Variants in PDE1C observed in about 807,000 individuals in gnomAD.
PDE1C encodes the protein phosphodiesterase 1C, also known as dual specificity calcium/calmodulin-dependent 3',5'-cyclic nucleotide phosphodiesterase 1C.
In PDE1C, 62 loss-of-function variants were observed where a neutral mutation model predicts 93.1. The ratio of observed to expected loss-of-function variants is 0.67; its 90% CI spans 0.54 to 0.82. The LOEUF (loss-of-function observed/expected upper bound fraction) is 0.82. PDE1C is among the 40% of genes least tolerant of loss of function. The pLI is 0.00. For missense variants in PDE1C, 742 were observed against 884.6 expected, an observed-to-expected ratio of 0.84 and a Z score of 2.04; for synonymous variants, 325 against 310.1, an observed-to-expected ratio of 1.05 and a Z score of -0.50.
At chr7:32,359,772 C>A (rs1784100200) in intron 1 of PDE1C, among the ~76,000 whole-genome samples, 1 of 152,166 alleles carries the variant, frequency 6.6e-6, no homozygotes. Context: ...TCACTGTTCC[C>A]AGCACAACTG....
At chr7:32,120,434 A>G (rs531217857) in intron 3 of PDE1C, among the ~76,000 whole-genome samples, 1 of 152,074 alleles carries the variant, frequency 6.6e-6, no homozygotes, top group Non-Finnish European at 1.5e-5. Flanking sequence ...ATGCCACCCA[A>G]CTGGTATAGC....
chr7:32,203,230 C>G (rs1390375036), intron 2 of PDE1C, among the ~76,000 whole-genome samples: 1 of 151,982 alleles, frequency 6.6e-6, no homozygotes, highest in Non-Finnish European at 1.5e-5. Context: ...ATTTCTTCTT[C>G]TTCTTTTTGT....
chr7:31,893,175 A>G (rs2128903995), intron 2 of PDE1C, among the ~76,000 whole-genome samples: 1 of 152,312 alleles, frequency 6.6e-6, no homozygotes, highest in Middle Eastern at 3.4e-3. Flanking sequence ...GGGGTGTGAA[A>G]ACACAGGTCA....
chr7:31,690,766 A>G, the PDE1C span, among the ~76,000 whole-genome samples: 1 of 152,162 alleles, frequency 6.6e-6, no homozygotes, highest in Non-Finnish European at 1.5e-5. Flanking sequence ...CCTTCAGTAG[A>G]TAGTAAGTGC....
intron 1 of PDE1C, among the ~76,000 whole-genome samples, chr7:32,213,989 A>C (rs188353741): frequency 2.2e-4 from 34 of 152,330 alleles, no homozygotes; most frequent in African/African-American, 7.9e-4. Flanking sequence ...AGTTTATGAT[A>C]ATCAGGAAAA....
chr7:32,346,921 G>A (rs1391516840), intron 1 of PDE1C, among the ~76,000 whole-genome samples: 1 of 152,198 alleles, frequency 6.6e-6, no homozygotes, highest in East Asian at 1.9e-4. Context: ...GTTATCTGGG[G>A]CTGACTGTAG....
intron 1 of PDE1C, among the ~76,000 whole-genome samples, chr7:32,288,750 T>C (rs1812160670): frequency 6.6e-6 from 1 of 152,230 alleles, no homozygotes; most frequent in South Asian, 2.1e-4. Context: ...AAGAATTCCA[T>C]TCACTTTCCC....
At chr7:32,005,109 A>T (rs929199837) in intron 2 of PDE1C, among the ~76,000 whole-genome samples, 1 of 152,158 alleles carries the variant, frequency 6.6e-6, no homozygotes, top group Non-Finnish European at 1.5e-5. Flanking sequence ...TTGGTTATAG[A>T]GCACCTTTAA....
intron 1 of PDE1C, among the ~76,000 whole-genome samples, chr7:32,306,410 T>C (rs912735736): frequency 3.3e-5 from 5 of 152,164 alleles, no homozygotes; most frequent in African/African-American, 1.2e-4. Context: ...CTCTGTCTTT[T>C]TCATCTAAAC....
At position 32,337,344 on chromosome 7, in the gene PDE1C, A is replaced by G. The variant is rs147037322; in HGVS notation, c.310+90478T>C. ...GAAGATAAACAATTGCTGTAGACCA[A>G]CAATTACCATACACTAGTATTGTGA... On this transcript the variant is annotated intron_variant, in intron 1 of 1. Coordinates refer to the PDE1C transcript ENST00000672256. 4.2e-3 allele frequency among the ~76,000 whole-genome samples: 638 copies of G among 152,356 alleles called. 6 individuals carry two copies. Among genetic ancestry groups the G allele is most frequent in the Middle Eastern group, 6.8e-3 (2 of 294 alleles).
intron 2 of PDE1C, among the ~76,000 whole-genome samples, chr7:31,925,313 T>G (rs1328524192): frequency 2.6e-5 from 4 of 152,038 alleles, no homozygotes; most frequent in African/African-American, 9.7e-5. Flanking sequence ...TACCCATCAG[T>G]GGGGAGAATA....
intron 1 of PDE1C, among the ~76,000 whole-genome samples, chr7:32,319,102 A>T (rs1449388431): frequency 6.6e-6 from 1 of 152,188 alleles, no homozygotes; most frequent in Non-Finnish European, 1.5e-5. Flanking sequence ...CCACGCCGTC[A>T]CCCGGGAGCT....
At chr7:32,000,583 C>G (rs931859058) in intron 2 of PDE1C, among the ~76,000 whole-genome samples, 1 of 152,166 alleles carries the variant, frequency 6.6e-6, no homozygotes, top group Admixed American at 6.5e-5. Context: ...TCACAAACAT[C>G]GCAGAACCCT....
chr7:32,036,401 C>A (rs79567292), intron 2 of PDE1C, among the ~76,000 whole-genome samples: 1 of 152,010 alleles, frequency 6.6e-6, no homozygotes, highest in Non-Finnish European at 1.5e-5. Context: ...CAATGCCCTA[C>A]GTTTCACCTT....
rs781619764 is a variant in PDE1C at position 32,105,926 on chromosome 7, G to A, written c.308+63859C>T. On this transcript the variant is annotated intron_variant, in intron 3 of 18. Transcript: ENST00000396193. The stretch of plus-strand genomic sequence containing the variant: ...CAAAACAGCTTAACTAGATAACAGA[G>A]AAGCCCACAATCCATAAGAACCACC... Among the ~76,000 whole-genome samples, 101 of 152,170 alleles carry A rather than the reference G, an allele frequency of 6.6e-4. 1 individual carries two copies. In the Middle Eastern group the frequency reaches 0.01, roughly 15 times the overall value.
At chr7:32,285,224 C>T (rs978143610) in intron 1 of PDE1C, among the ~76,000 whole-genome samples, 13 of 152,116 alleles carry the variant, frequency 8.5e-5, no homozygotes, top group Admixed American at 4.6e-4. Context: ...TTCTTTAAAA[C>T]TCCATTCGAA....
chr7:32,164,232 G>A (rs924325957), intron 3 of PDE1C, among the ~76,000 whole-genome samples: 11 of 152,188 alleles, frequency 7.2e-5, no homozygotes, highest in African/African-American at 2.4e-4. Flanking sequence ...CATAAGGTTT[G>A]AGAAGCAGTG....
the PDE1C span, among the ~76,000 whole-genome samples, chr7:31,617,546 C>T: frequency 1.3e-5 from 2 of 152,046 alleles, no homozygotes; most frequent in Admixed American, 6.5e-5. Flanking sequence ...AGAGTTCAGA[C>T]AAAATTATTT....
chr7:31,857,815 T>C (rs568950417), intron 7 of PDE1C, among the ~76,000 whole-genome samples: 3 of 152,208 alleles, frequency 2.0e-5, no homozygotes, highest in African/African-American at 7.2e-5. Context: ...GATAATTCTG[T>C]TTTTAAAAAG....
Sources: allele counts gnomAD v4.1 joint callset (sites outside exome capture counted in the v4.1 genomes callset), GRCh38; gene constraint gnomAD v4.1.1; transcripts MANE v1.5; gene names NCBI Gene and HGNC (gene_info 2026-07-23, HGNC 2026-07-21).